Variants in SGCD observed in about 807,000 individuals in gnomAD.
SGCD encodes the protein delta-sarcoglycan.
Under a neutral mutation model 36.6 loss-of-function variants are expected in SGCD, and 18 were observed. That is an observed-to-expected ratio of 0.49 (90% CI 0.34 to 0.73). The LOEUF (loss-of-function observed/expected upper bound fraction) is 0.73, where lower values mean the gene tolerates loss of function less well. Among genes scored for constraint, SGCD ranks in the 30% least tolerant of loss-of-function variants. The probability of loss-of-function intolerance (pLI) is 0.01; values close to 1 mark genes in which losing one functional copy is unlikely to be tolerated. For synonymous variants in SGCD, 133 were observed against 130.6 expected, an observed-to-expected ratio of 1.02 and a Z score of -0.12; for missense variants, 387 against 346.7, an observed-to-expected ratio of 1.12 and a Z score of -0.92.
intron 3 of SGCD, among the ~76,000 whole-genome samples, chr5:156,349,831 A>G (rs1461584939): frequency 3.3e-5 from 5 of 152,104 alleles, no homozygotes; most frequent in Non-Finnish European, 7.4e-5. Flanking sequence ...CTGCAAAGAT[A>G]TGGAACCAAC....
At chr5:156,393,531 A>G (rs1035198811) in intron 3 of SGCD, among the ~76,000 whole-genome samples, 22 of 152,240 alleles carry the variant, frequency 1.4e-4, no homozygotes, top group African/African-American at 4.6e-4. Flanking sequence ...AGTTTATTGT[A>G]TCTGTGTAGC....
At chr5:156,667,747 C>G (rs780292448) in intron 7 of SGCD, among the ~76,000 whole-genome samples, 2 of 152,118 alleles carry the variant, frequency 1.3e-5, no homozygotes, top group African/African-American at 4.8e-5. Context: ...GAACACAGGA[C>G]GAGTTCTGAA....
chr5:156,603,565 C>A (rs1171763187), intron 6 of SGCD, among the ~76,000 whole-genome samples: 1 of 151,902 alleles, frequency 6.6e-6, no homozygotes, highest in Non-Finnish European at 1.5e-5. Context: ...CTATGAAATT[C>A]CTTCTTATGA....
intron 3 of SGCD, among the ~76,000 whole-genome samples, chr5:156,408,062 A>C (rs1018190370): frequency 6.6e-6 from 1 of 152,308 alleles, no homozygotes; most frequent in South Asian, 2.1e-4. Context: ...AAAAAGTGAT[A>C]TTTACATTCT....
chr5:156,471,817 A>G (rs1490203790), intron 3 of SGCD, among the ~76,000 whole-genome samples: 1 of 152,114 alleles, frequency 6.6e-6, no homozygotes, highest in African/African-American at 2.4e-5. Context: ...CTTCTCATCA[A>G]AAGACACCAT....
At chr5:156,683,226 T>C (rs1753787239) in intron 7 of SGCD, among the ~76,000 whole-genome samples, 1 of 152,184 alleles carries the variant, frequency 6.6e-6, no homozygotes, top group Non-Finnish European at 1.5e-5. Context: ...TTTTATTGAG[T>C]TGATAAACTA....
chr5:156,766,276 G>A lies in SGCD; in HGVS notation c.*6886G>A, dbSNP rs1757586320. 1 of 152,008 alleles carries A rather than the reference G, an allele frequency of 6.6e-6. No homozygotes were observed. The highest frequency in any genetic ancestry group is 2.4e-5 in the African/African-American group (1 of 41,372). The allele number at this position is 152,008 out of a possible 1,614,324, so 9.4% of individuals were successfully genotyped here. On this transcript the variant is annotated 3_prime_UTR_variant, in exon 9 of 9. Transcript: ENST00000337851. ...AAACTCAAGGAAGCGATCAAATAGA[G>A]GGAAGCTCATTTCTATCATTGTCTC...
At chr5:156,578,904 T>C (rs1198172846) in intron 4 of SGCD, among the ~76,000 whole-genome samples, 1 of 152,230 alleles carries the variant, frequency 6.6e-6, no homozygotes, top group Non-Finnish European at 1.5e-5. Flanking sequence ...GTTTTTTGTG[T>C]CTCTATGTCC....
intron 1 of SGCD, among the ~76,000 whole-genome samples, chr5:156,053,846 A>T (rs1429117881): frequency 6.8e-6 from 1 of 146,296 alleles, no homozygotes. Context: ...TGGCAGATTC[A>T]ATATCTGGTG....
chr5:156,512,792 C>A (rs987623379), intron 4 of SGCD, among the ~76,000 whole-genome samples: 1 of 152,172 alleles, frequency 6.6e-6, no homozygotes, highest in Non-Finnish European at 1.5e-5. Context: ...TACTTCCACA[C>A]CCATGTGCAT....
chr5:156,156,128 C>T (rs1368876091), intron 3 of SGCD, among the ~76,000 whole-genome samples: 2 of 151,602 alleles, frequency 1.3e-5, no homozygotes, highest in African/African-American at 4.9e-5. Context: ...AATCATAAGC[C>T]TCTCAGAACG....
intron 6 of SGCD, among the ~76,000 whole-genome samples, chr5:156,608,029 G>A (rs1033275218): frequency 2.6e-5 from 4 of 152,030 alleles, no homozygotes; most frequent in Admixed American, 6.6e-5. Context: ...AGGGTTTTTG[G>A]TGTCTCTATT....
intron 4 of SGCD, among the ~76,000 whole-genome samples, chr5:156,575,741 T>A (rs534685470): frequency 7.0e-6 from 1 of 143,858 alleles, no homozygotes; most frequent in East Asian, 2.0e-4. Context: ...CCCATTAACA[T>A]GTACTTTAAG....
At chr5:156,154,921 C>G (rs1427612956) in intron 3 of SGCD, among the ~76,000 whole-genome samples, 2 of 151,634 alleles carry the variant, frequency 1.3e-5, no homozygotes, top group Admixed American at 6.6e-5. Context: ...GGACTCTGCA[C>G]ATAGCTCAGT....
intron 4 of SGCD, among the ~76,000 whole-genome samples, chr5:156,588,644 A>T (rs922297014): frequency 4.6e-5 from 7 of 152,200 alleles, no homozygotes; most frequent in Admixed American, 2.0e-4. Flanking sequence ...AGGAAAAGGA[A>T]TCTGGAGACA....
intron 1 of SGCD, among the ~76,000 whole-genome samples, chr5:156,073,783 C>T (rs1760671300): frequency 6.6e-6 from 1 of 152,194 alleles, no homozygotes; most frequent in Non-Finnish European, 1.5e-5. Flanking sequence ...CAGTCAATTT[C>T]ACCTGTGCTT....
intron 1 of SGCD, among the ~76,000 whole-genome samples, chr5:156,024,108 T>C (rs1324247108): frequency 1.3e-5 from 2 of 152,096 alleles, no homozygotes; most frequent in Non-Finnish European, 2.9e-5. Flanking sequence ...GATGGCAGCG[T>C]AAGTATCGGA....
intron 3 of SGCD, among the ~76,000 whole-genome samples, chr5:156,236,281 G>A (rs1287887164): frequency 1.3e-5 from 2 of 152,006 alleles, no homozygotes; most frequent in African/African-American, 4.8e-5. Flanking sequence ...TTTAGTTGCA[G>A]TATTGTCCCT....
At chr5:156,667,360 G>A (rs562829248) in intron 7 of SGCD, among the ~76,000 whole-genome samples, 22 of 152,268 alleles carry the variant, frequency 1.4e-4, no homozygotes, top group East Asian at 5.8e-4. Flanking sequence ...GAAGAAATCC[G>A]TAAATTTTCT....
Sources: allele counts gnomAD v4.1 joint callset (sites outside exome capture counted in the v4.1 genomes callset), GRCh38; gene constraint gnomAD v4.1.1; transcripts MANE v1.5; gene names NCBI Gene and HGNC (gene_info 2026-07-23, HGNC 2026-07-21).